Variants in TMC1 observed in about 807,000 individuals in gnomAD.
TMC1 encodes the protein transmembrane channel-like protein 1.
In TMC1, 84 loss-of-function variants were observed where a neutral mutation model predicts 105.8. The ratio of observed to expected loss-of-function variants is 0.79; its 90% confidence interval spans 0.67 to 0.95. The LOEUF (loss-of-function observed/expected upper bound fraction) is 0.95. TMC1 is among the 40% of genes least tolerant of loss of function. The pLI is 0.00. For missense variants in TMC1, 817 were observed against 914.1 expected (o/e 0.89, Z 1.37); for synonymous variants, 315 against 311.5 (o/e 1.01, Z -0.12).
chr9:72,641,451 C>T (rs1825625665), intron 4 of TMC1, among the ~76,000 whole-genome samples: 2 of 152,234 alleles, frequency 1.3e-5, no homozygotes, highest in African/African-American at 2.4e-5. Context: ...CAGTCCTCTT[C>T]ACTGTCCTCC....
chr9:72,794,531 C>T (rs992101822), intron 17 of TMC1, among the ~76,000 whole-genome samples: 1 of 152,148 alleles, frequency 6.6e-6, no homozygotes. Context: ...CTAACATACC[C>T]CCCTCTGAAA....
chr9:72,574,457 C>G (rs1251542450), intron 1 of TMC1, among the ~76,000 whole-genome samples: 1 of 152,204 alleles, frequency 6.6e-6, no homozygotes, highest in African/African-American at 2.4e-5. Context: ...AGAGACTGCT[C>G]CCATTTCAGA....
At chr9:72,794,091 C>G (rs13286052) in intron 17 of TMC1, among the ~76,000 whole-genome samples, 29,571 of 151,996 alleles carry the variant, frequency 0.19, 3,257 homozygotes, top group African/African-American at 0.28. Context: ...CCACCCCCCT[C>G]CTTGTCACCA....
At chr9:72,685,208 A>G (rs545293151) in intron 5 of TMC1, among the ~76,000 whole-genome samples, 18 of 135,718 alleles carry the variant, frequency 1.3e-4, no homozygotes, top group Middle Eastern at 5.1e-3. Context: ...CCGGGTTCAT[A>G]CCATTCTCCT....
At chr9:72,760,148 ATTAAT>A (rs1827733743) in intron 12 of TMC1, among the ~76,000 whole-genome samples, 1 of 152,090 alleles carries the variant, frequency 6.6e-6, no homozygotes, top group South Asian at 2.1e-4. Flanking sequence ...AATTGTTATT[ATTAAT>A]TTTGCTTTGG....
At chr9:72,742,314 C>A in intron 9 of TMC1, 130 bp from the exon 10 acceptor site, 1 of 754,320 alleles carries the variant, frequency 1.3e-6, no homozygotes, top group Non-Finnish European at 2.3e-6. Flanking sequence ...CCCCCTTTGA[C>A]TAGAAAGTAG....
intron 2 of TMC1, among the ~76,000 whole-genome samples, chr9:72,602,227 A>G (rs1424878986): frequency 6.6e-6 from 1 of 152,178 alleles, no homozygotes; most frequent in Non-Finnish European, 1.5e-5. Context: ...TGGTTTTAGT[A>G]TAATATTATT....
intron 17 of TMC1, 171 bp from the exon 18 acceptor site, chr9:72,805,211 G>C: frequency 1.9e-6 from 1 of 537,002 alleles, no homozygotes; most frequent in Non-Finnish European, 3.2e-6. Flanking sequence ...AAGTAATAAA[G>C]TCAGGGTGAA....
chr9:72,602,360 TTGG>T (rs952368619), intron 2 of TMC1, among the ~76,000 whole-genome samples: 2 of 147,896 alleles, frequency 1.4e-5, no homozygotes, highest in Non-Finnish European at 3.0e-5. Context: ...GATTCTCCTA[TTGG>T]TGATTTTTTT....
At chr9:72,740,245 T>C in intron 9 of TMC1, 36 bp downstream of exon 9, 2 of 1,571,406 alleles carry the variant, frequency 1.3e-6, no homozygotes, top group Non-Finnish European at 1.8e-6. Context: ...TTATGGCATA[T>C]TGCCTCTAAG....
At chr9:72,798,284 A>G (rs2118216220) in intron 17 of TMC1, among the ~76,000 whole-genome samples, 1 of 152,332 alleles carries the variant, frequency 6.6e-6, no homozygotes, top group Non-Finnish European at 1.5e-5. Flanking sequence ...AAAATAGTTC[A>G]ACCATTGTGG....
rs552272081 is a variant in TMC1 at position 72,827,066 on chromosome 9, T to A, written c.2129+72T>A. On this transcript the variant is annotated intron_variant, in intron 21 of 23. Transcript: ENST00000297784. ...CTGGCTGTTTTTACATTTCAGCTTTTTCAGCTCTCTCACTCTCCCTAAGGG... is the reference window on the plus strand; with the variant it reads ...CTGGCTGTTTTTACATTTCAGCTTTATCAGCTCTCTCACTCTCCCTAAGGG... 7.5e-6 allele frequency: 12 copies of A among 1,596,970 alleles called. No individual in the cohort carries two copies. The African/African-American group carries it at 1.6e-4, about 21-fold the overall frequency.
At chr9:72,756,187 C>G (rs1827673956) in intron 12 of TMC1, among the ~76,000 whole-genome samples, 1 of 152,156 alleles carries the variant, frequency 6.6e-6, no homozygotes, top group African/African-American at 2.4e-5. Context: ...ATTTTTTAAA[C>G]TGAATTATAA....
At chr9:72,672,034 TCTTCCCAAGTTTATTTATTTGC>T (rs2062632011) in intron 5 of TMC1, among the ~76,000 whole-genome samples, 1 of 152,224 alleles carries the variant, frequency 6.6e-6, no homozygotes, top group South Asian at 2.1e-4. Flanking sequence ...GGGATCCTTT[TCTTCCCAAGTTTATTTATTTGC>T]TTATCTTTAT....
intron 17 of TMC1, among the ~76,000 whole-genome samples, chr9:72,800,377 T>A (rs925494655): frequency 1.3e-5 from 2 of 152,188 alleles, no homozygotes; most frequent in African/African-American, 4.8e-5. Context: ...CAGGTTGGCC[T>A]GAAAGCTAAG....
At chr9:72,523,127 C>T (rs1487706651) in intron 1 of TMC1, among the ~76,000 whole-genome samples, 2 of 152,068 alleles carry the variant, frequency 1.3e-5, no homozygotes, top group Non-Finnish European at 2.9e-5. Context: ...TGCCATAGGG[C>T]TGGCAGGAGT....
At chr9:72,739,188 G>T (rs1827348493) in intron 8 of TMC1, among the ~76,000 whole-genome samples, 1 of 152,172 alleles carries the variant, frequency 6.6e-6, no homozygotes, top group Non-Finnish European at 1.5e-5. Flanking sequence ...GCAGATGGCT[G>T]GCTCCTTGTG....
intron 6 of TMC1, among the ~76,000 whole-genome samples, chr9:72,692,005 T>G (rs1322849718): frequency 2.6e-5 from 4 of 152,156 alleles, no homozygotes; most frequent in African/African-American, 9.6e-5. Flanking sequence ...GTCCAGTCAT[T>G]TTTTAGAAAA....
intron 20 of TMC1, 138 bp downstream of exon 20, chr9:72,821,219 C>T (rs564574983): frequency 9.8e-6 from 13 of 1,323,516 alleles, no homozygotes; most frequent in East Asian, 6.9e-5. Context: ...CCCGGCTGGG[C>T]GCAGTGGCTC....
Sources: allele counts gnomAD v4.1 joint callset (sites outside exome capture counted in the v4.1 genomes callset), GRCh38; gene constraint gnomAD v4.1.1; transcripts MANE v1.5; gene names NCBI Gene and HGNC (gene_info 2026-07-23, HGNC 2026-07-21).